NCOA3: variants seen among roughly 807,000 people sequenced by gnomAD.
NCOA3 encodes CBP-interacting protein.
NCOA3 carries 51 observed loss-of-function variants against 158.8 expected under a neutral mutation model. That is an observed-to-expected ratio of 0.32 (90% CI 0.26 to 0.41). NCOA3 has a LOEUF of 0.41. Ranked by LOEUF, NCOA3 falls within the 10% of genes least tolerant of loss-of-function variation. NCOA3 has a pLI of 1.00. For missense variants in NCOA3, 1,510 were observed against 1,746.6 expected, an observed-to-expected ratio of 0.86 and a Z score of 2.41; for synonymous variants, 537 against 592.4, an observed-to-expected ratio of 0.91 and a Z score of 1.36.
At chr20:47,640,162 G>A in intron 16 of NCOA3, 111 bp downstream of exon 16, 3 of 1,431,164 alleles carry the variant, frequency 2.1e-6, no homozygotes, top group South Asian at 2.5e-5. Flanking sequence ...TATAATTGAG[G>A]TACTGGGTTG....
At chr20:47,549,241 G>T (rs905001670) in intron 1 of NCOA3, among the ~76,000 whole-genome samples, 5 of 151,790 alleles carry the variant, frequency 3.3e-5, no homozygotes, top group Non-Finnish European at 5.9e-5. Flanking sequence ...AAGTTTTTAG[G>T]CCTGGTGCAG....
intron 2 of NCOA3, among the ~76,000 whole-genome samples, chr20:47,611,586 G>A (rs904211689): frequency 6.6e-6 from 1 of 152,158 alleles, no homozygotes; most frequent in Admixed American, 6.5e-5. Context: ...GAGGTCAGGA[G>A]TTCGAGACCA....
intron 1 of NCOA3, among the ~76,000 whole-genome samples, chr20:47,502,236 C>G (rs2083944262): frequency 1.3e-5 from 2 of 152,310 alleles, no homozygotes; most frequent in Admixed American, 6.5e-5. Flanking sequence ...GCGGTAGGAG[C>G]TGAGACGAAG....
In NCOA3 at chr20:47,655,807, T is replaced by G. The variant is rs1275645576; in HGVS notation, c.*2390T>G. 2 of 152,524 alleles carry G rather than the reference T, an allele frequency of 1.3e-5. No individual in the cohort carries two copies. The highest frequency in any genetic ancestry group is 2.9e-5 in the Non-Finnish European group (2 of 68,016). The allele number at this position is 152,524 out of a possible 1,614,324, so 9.4% of individuals were successfully genotyped here. On this transcript the variant is annotated 3_prime_UTR_variant, in exon 23 of 23. Transcript: ENST00000371998. ...AATAAATTTTTTTGCAATCCTTTCC[T>G]CAGACCTGGCTCCAGGCTAACTGGA...
At chr20:47,592,861 A>G (rs1423601364) in intron 2 of NCOA3, among the ~76,000 whole-genome samples, 1 of 152,238 alleles carries the variant, frequency 6.6e-6, no homozygotes, top group East Asian at 1.9e-4. Context: ...ACCTTGAACT[A>G]ATCTTTTTAG....
chr20:47,639,019 T>TTG lies in NCOA3; in HGVS notation c.2524_2525insTG (p.Ser842LeufsTer30). On this transcript the variant is annotated frameshift_variant, in exon 14 of 23. Coordinates refer to ENST00000371998, the MANE Select transcript of NCOA3 (RefSeq NM_181659.3). LOFTEE classifies it high-confidence loss of function. ...TGTGTTTTCAACAGGTTTGAAAAGT[T>TTG]CACAGTCTGTGCAGTCTATTCGTCC... 1 of 1,601,874 alleles carries TTG rather than the reference T, an allele frequency of 6.2e-7. No individual in the cohort carries two copies. The highest frequency in any genetic ancestry group is 8.5e-7 in the Non-Finnish European group (1 of 1,174,604).
At chr20:47,559,107 T>C (rs1377933960) in intron 1 of NCOA3, among the ~76,000 whole-genome samples, 4 of 152,132 alleles carry the variant, frequency 2.6e-5, no homozygotes, top group Non-Finnish European at 4.4e-5. Flanking sequence ...TTAAAGGTCC[T>C]TATGACCTCC....
chr20:47,595,612 G>A (rs2085740915), intron 2 of NCOA3, among the ~76,000 whole-genome samples: 1 of 151,972 alleles, frequency 6.6e-6, no homozygotes, highest in Non-Finnish European at 1.5e-5. Flanking sequence ...ATAGCTGTAA[G>A]TGATGTGGCT....
In NCOA3 at chr20:47,633,560, A is replaced by T. The variant is rs1220946204; in HGVS notation, c.888A>T (p.Ile296=). ...CCATGAGGCCTGGCTTTGAAGATATAATCCGAAGGTGTATTCAGAGATTTT... is the reference window on the plus strand; with the variant it reads ...CCATGAGGCCTGGCTTTGAAGATATTATCCGAAGGTGTATTCAGAGATTTT... The part of the protein sequence containing the change: ...RSSMRPGFED[I]IRRCIQRFFS... The change falls in exon 9 of 23, where the codon ATA becomes ATT. Residue 296 remains isoleucine (I), a synonymous_variant. Transcript: ENST00000371998. 2 of 1,613,622 alleles carry T rather than the reference A, an allele frequency of 1.2e-6. No homozygotes were observed. Among genetic ancestry groups the T allele is most frequent in the East Asian group, 4.5e-5 (2 of 44,876 alleles).
intron 1 of NCOA3, among the ~76,000 whole-genome samples, chr20:47,552,266 T>A (rs2084937356): frequency 6.6e-6 from 1 of 152,202 alleles, no homozygotes; most frequent in Non-Finnish European, 1.5e-5. Context: ...ACCTGCCAGA[T>A]TAGAAGGCCA....
At chr20:47,510,574 GTCA>G (rs1245318957) in intron 1 of NCOA3, among the ~76,000 whole-genome samples, 1 of 151,772 alleles carries the variant, frequency 6.6e-6, no homozygotes. Flanking sequence ...TCACAATATA[GTCA>G]TCCACATGGG....
intron 1 of NCOA3, among the ~76,000 whole-genome samples, chr20:47,525,309 A>G (rs1187483513): frequency 1.7e-4 from 26 of 151,134 alleles, no homozygotes; most frequent in African/African-American, 4.4e-4. Flanking sequence ...ACAGAACAAA[A>G]TGAAAAGTCT....
chr20:47,560,025 G>A (rs768105376), intron 1 of NCOA3, among the ~76,000 whole-genome samples: 1 of 152,054 alleles, frequency 6.6e-6, no homozygotes, highest in Non-Finnish European at 1.5e-5. Flanking sequence ...GCCTCAATCA[G>A]TCCACCCACC....
chr20:47,636,699 C>G lies in NCOA3; in HGVS notation c.2313C>G (p.Ser771Arg). 3 of 1,614,112 alleles carry G rather than the reference C, an allele frequency of 1.9e-6. No homozygotes were observed. Among genetic ancestry groups the G allele is most frequent in the Non-Finnish European group, 2.5e-6 (3 of 1,179,980 alleles). ...GVDNKMSQCT[S>R]STIPSSSQEK... is the part of the protein sequence containing the mutation. ...ATAATAAAATGAGTCAGTGCACCAG[C>G]TCCACCATTCCTAGCTCAAGTCAAG... is the stretch of plus-strand genomic sequence containing the variant. The change falls in exon 12 of 23, where the codon AGC (serine) becomes AGG (arginine). Residue 771 changes from serine to arginine, a missense_variant. Physicochemically the swap from Ser to Arg is moderately radical, Grantham distance 110. Around this residue, in one of 4 missense-constraint regions of NCOA3, gnomAD observed 1,017 missense variants for 1,098.3 expected, o/e 0.93. Transcript: ENST00000371998.
intron 1 of NCOA3, among the ~76,000 whole-genome samples, chr20:47,527,031 TG>T (rs572822638): frequency 1.3e-5 from 2 of 152,240 alleles, no homozygotes; most frequent in South Asian, 4.1e-4. Flanking sequence ...GCAATACAGT[TG>T]ATTTTTGTAT....
rs768342979 is a variant in NCOA3 at position 47,594,788 on chromosome 20, AT to A, written c.-20+11548del. On this transcript the variant is annotated intron_variant, in intron 2 of 22. Coordinates refer to ENST00000371998, the MANE Select transcript of NCOA3 (RefSeq NM_181659.3). ...AAGGCTGAGGTGGGCAGAATACCTG[AT>A]TTTTTTTTTTTTTTTTTTTTGGAGA... Among the ~76,000 whole-genome samples, 274 of 102,428 alleles carry A rather than the reference AT, an allele frequency of 2.7e-3. 2 individuals carry two copies. Among genetic ancestry groups the A allele is most frequent in the East Asian group, 0.024 (76 of 3,184 alleles). 67.2% of individuals were successfully genotyped at this position (102,428 alleles called of 152,430 possible). A position where few individuals can be genotyped will look rare whatever the true frequency, so the allele number is the denominator to read the frequency against.
intron 18 of NCOA3, 115 bp from the exon 19 acceptor site, chr20:47,648,890 G>A (rs1360904579): frequency 1.6e-6 from 1 of 626,736 alleles, no homozygotes; most frequent in African/African-American, 1.8e-5. Flanking sequence ...ACGTGACTTA[G>A]CCAGGTTATT....
intron 1 of NCOA3, among the ~76,000 whole-genome samples, chr20:47,541,350 TCCCCC>T: frequency 8.1e-4 from 1 of 1,236 alleles, no homozygotes; most frequent in African/African-American, 2.9e-3. Flanking sequence ...CACTCTCCCC[TCCCCC>T]CTCCCCTCCC....
chr20:47,613,325 C>T lies in NCOA3; in HGVS notation c.-19-8904C>T, dbSNP rs112244582. Among the ~76,000 whole-genome samples, 10 of 148,132 alleles carry T rather than the reference C, an allele frequency of 6.8e-5. 3 individuals carry two copies. Among genetic ancestry groups the T allele is most frequent in the African/African-American group, 2.3e-4 (9 of 39,366 alleles). ...AGCTTTGCTATTCATTGTGTTCAAACGATTCCTTCTTTTTTTTTTTTTTTA... is the reference window on the plus strand; with the variant it reads ...AGCTTTGCTATTCATTGTGTTCAAATGATTCCTTCTTTTTTTTTTTTTTTA... On this transcript the variant is annotated intron_variant, in intron 2 of 22. Transcript: ENST00000371998.
Sources: allele counts gnomAD v4.1 joint callset (sites outside exome capture counted in the v4.1 genomes callset), GRCh38; gene constraint gnomAD v4.1.1; regional missense constraint gnomAD v4.1.1; transcripts MANE v1.5; gene names NCBI Gene and HGNC (gene_info 2026-07-23, HGNC 2026-07-21).